PCCA: variants seen among roughly 807,000 people sequenced by gnomAD.
PCCA encodes the protein propionyl-CoA carboxylase subunit alpha.
A neutral mutation model predicts 101.3 loss-of-function variants in PCCA; 74 were observed. That is an observed-to-expected ratio of 0.73 (90% confidence interval 0.61 to 0.89). The LOEUF is 0.89. Among genes scored for constraint, PCCA ranks in the 40% least tolerant of loss-of-function variants. The pLI, the probability that PCCA is intolerant of heterozygous loss-of-function variation, is 0.00. For synonymous variants in PCCA, 294 were observed against 313.6 expected (o/e 0.94, Z 0.66); for missense variants, 891 against 907.0 (o/e 0.98, Z 0.23).
intron 7 of PCCA, among the ~76,000 whole-genome samples, chr13:100,232,929 G>A (rs935343131): frequency 5.3e-5 from 8 of 152,192 alleles, no homozygotes; most frequent in South Asian, 2.1e-4. Flanking sequence ...TAATGTATAA[G>A]TGGTTGAATA....
chr13:100,089,781 A>G (rs757907285), intron 1 of PCCA, among the ~76,000 whole-genome samples: 1 of 152,212 alleles, frequency 6.6e-6, no homozygotes, highest in African/African-American at 2.4e-5. Context: ...ACCCCAGTCT[A>G]CTGTGTACCA....
intron 8 of PCCA, among the ~76,000 whole-genome samples, chr13:100,244,075 C>G (rs1359779635): frequency 6.6e-6 from 1 of 152,098 alleles, no homozygotes; most frequent in South Asian, 2.1e-4. Context: ...ACAATTTATA[C>G]CTTCTTCACA....
At chr13:100,090,528 A>AT (rs2046183142) in intron 1 of PCCA, among the ~76,000 whole-genome samples, 1 of 151,882 alleles carries the variant, frequency 6.6e-6, no homozygotes, top group Non-Finnish European at 1.5e-5. Flanking sequence ...CCTTGTAGCT[A>AT]TTTTTTTCAA....
At chr13:100,230,318 C>A (rs552142011) in intron 7 of PCCA, among the ~76,000 whole-genome samples, 3 of 151,956 alleles carry the variant, frequency 2.0e-5, no homozygotes, top group African/African-American at 7.3e-5. Context: ...CCGAGGTGGG[C>A]GGATCACCTG....
At chr13:100,415,155 G>A (rs187806158) in intron 19 of PCCA, among the ~76,000 whole-genome samples, 1 of 150,932 alleles carries the variant, frequency 6.6e-6, no homozygotes, top group Non-Finnish European at 1.5e-5. Context: ...TGTAATCTCA[G>A]CACTTTGGAA....
chr13:100,247,081 A>G (rs1321213521), intron 8 of PCCA, among the ~76,000 whole-genome samples: 1 of 151,110 alleles, frequency 6.6e-6, no homozygotes, highest in Non-Finnish European at 1.5e-5. Flanking sequence ...ACCAAGTTTT[A>G]TAGTTTAGTA....
At chr13:100,457,578 A>G (rs975144467) in intron 21 of PCCA, among the ~76,000 whole-genome samples, 3 of 152,202 alleles carry the variant, frequency 2.0e-5, no homozygotes, top group Non-Finnish European at 2.9e-5. Flanking sequence ...AATGGGTTGC[A>G]TTATAGGAGA....
chr13:100,135,177 G>A (rs370383800), intron 4 of PCCA, among the ~76,000 whole-genome samples: 2 of 151,514 alleles, frequency 1.3e-5, no homozygotes, highest in Non-Finnish European at 2.9e-5. Flanking sequence ...GAGGATCATT[G>A]AGCCAGGAGT....
At chr13:100,351,873 C>T (rs1178502787) in intron 18 of PCCA, among the ~76,000 whole-genome samples, 2 of 152,064 alleles carry the variant, frequency 1.3e-5, no homozygotes, top group Non-Finnish European at 2.9e-5. Context: ...GAAATTTGTT[C>T]TGTGAATAAA....
intron 8 of PCCA, 87 bp downstream of exon 8, chr13:100,235,965 G>A (rs2060777260): frequency 2.4e-6 from 2 of 845,168 alleles, no homozygotes; most frequent in South Asian, 2.7e-5. Flanking sequence ...TTCCCATAGA[G>A]CAAATAATAC....
At chr13:100,110,320 G>A (rs1459346049) in intron 2 of PCCA, among the ~76,000 whole-genome samples, 1 of 152,120 alleles carries the variant, frequency 6.6e-6, no homozygotes, top group African/African-American at 2.4e-5. Flanking sequence ...CAAATTACTT[G>A]GAATGGTGTG....
At chr13:100,274,793 T>C (rs77236892) in intron 12 of PCCA, among the ~76,000 whole-genome samples, 1 of 151,460 alleles carries the variant, frequency 6.6e-6, no homozygotes, top group African/African-American at 2.4e-5. Context: ...GCCAAGATCC[T>C]GTTTTCAAGT....
intron 8 of PCCA, among the ~76,000 whole-genome samples, chr13:100,246,862 G>A (rs2061461247): frequency 6.6e-6 from 1 of 150,826 alleles, no homozygotes; most frequent in African/African-American, 2.4e-5. Flanking sequence ...AAACTCAAGA[G>A]GTCAAACCTA....
intron 12 of PCCA, among the ~76,000 whole-genome samples, chr13:100,298,672 C>CTCCT (rs1162874306): frequency 0.013 from 39 of 3,090 alleles, 1 homozygote; most frequent in South Asian, 0.033. Context: ...CCCTCCCTCC[C>CTCCT]TCCTTCCTTC....
intron 2 of PCCA, among the ~76,000 whole-genome samples, chr13:100,103,285 C>T (rs1381262630): frequency 6.6e-6 from 1 of 151,442 alleles, no homozygotes; most frequent in Non-Finnish European, 1.5e-5. Flanking sequence ...TTTAATTAAA[C>T]TATTGAGTTT....
chr13:100,389,774 A>C (rs2076712672), intron 19 of PCCA, among the ~76,000 whole-genome samples: 1 of 152,134 alleles, frequency 6.6e-6, no homozygotes, highest in East Asian at 1.9e-4. Flanking sequence ...AGGGAGGGGG[A>C]AACGAGTGGT....
intron 8 of PCCA, among the ~76,000 whole-genome samples, chr13:100,256,311 G>T (rs958983275): frequency 6.6e-6 from 1 of 151,918 alleles, no homozygotes; most frequent in Non-Finnish European, 1.5e-5. Context: ...AGCCTAAATG[G>T]CCCTTCTGAT....
At chr13:100,327,269 C>T (rs2068797497) in intron 16 of PCCA, among the ~76,000 whole-genome samples, 2 of 152,146 alleles carry the variant, frequency 1.3e-5, no homozygotes, top group South Asian at 4.1e-4. Context: ...TGCTTTCTGT[C>T]ACTGTAGGCT....
chr13:100,526,730 C>CT (rs1162112736), intron 22 of PCCA, among the ~76,000 whole-genome samples: 2 of 152,274 alleles, frequency 1.3e-5, no homozygotes, highest in African/African-American at 4.8e-5. Context: ...GCTCAGGACG[C>CT]TGACCCATCG....
Sources: gnomAD v4.1 joint callset for allele counts (sites outside exome capture counted in the v4.1 genomes callset) on GRCh38, gnomAD v4.1.1 for gene constraint, MANE v1.5 for transcripts, NCBI Gene and HGNC (gene_info 2026-07-23, HGNC 2026-07-21) for gene names.